STK4: variants seen among roughly 807,000 people sequenced by gnomAD.
The protein encoded by STK4 is serine/threonine kinase 4.
STK4 carries 30 observed loss-of-function variants against 64.9 expected under a neutral mutation model. That is an observed-to-expected ratio of 0.46 (90% confidence interval 0.35 to 0.63). The LOEUF is 0.63. STK4 is among the 20% of genes least tolerant of loss of function. The pLI is 0.01. For synonymous variants in STK4, 177 were observed against 199.0 expected (o/e 0.89, Z 0.93); for missense variants, 466 against 598.5 (o/e 0.78, Z 2.31).
At chr20:45,002,189 T>C (rs2067853484) in intron 9 of STK4, among the ~76,000 whole-genome samples, 1 of 152,194 alleles carries the variant, frequency 6.6e-6, no homozygotes, top group Admixed American at 6.5e-5. Context: ...TCTTAAGGGG[T>C]TTAATTATGT....
chr20:44,976,557 T>A (rs1226252931), intron 2 of STK4, among the ~76,000 whole-genome samples: 1 of 152,166 alleles, frequency 6.6e-6, no homozygotes, highest in East Asian at 1.9e-4. Flanking sequence ...TCAGCCACAG[T>A]CGATGTTGGA....
chr20:45,060,171 G>C (rs1978864164), intron 10 of STK4, among the ~76,000 whole-genome samples: 1 of 152,194 alleles, frequency 6.6e-6, no homozygotes, highest in Admixed American at 6.5e-5. Context: ...CTGGAAGGTT[G>C]AATGGGCAGC....
chr20:44,976,006 T>C (rs1460147410), intron 2 of STK4, among the ~76,000 whole-genome samples: 1 of 152,196 alleles, frequency 6.6e-6, no homozygotes, highest in African/African-American at 2.4e-5. Flanking sequence ...TCAAAAACAA[T>C]TTAATATAAT....
chr20:44,973,164 T>C (rs899408002), intron 2 of STK4: 1 of 152,208 alleles, frequency 6.6e-6, no homozygotes, highest in African/African-American at 2.4e-5. Context: ...TTTATGTCAT[T>C]AGATTATTTT....
chr20:45,014,523 A>G (rs978491247), intron 9 of STK4, among the ~76,000 whole-genome samples: 1 of 152,194 alleles, frequency 6.6e-6, no homozygotes, highest in Non-Finnish European at 1.5e-5. Context: ...TAAAAAGTAT[A>G]TATTTGAAAG....
At chr20:45,029,653 T>C (rs1162322112) in intron 10 of STK4, among the ~76,000 whole-genome samples, 3 of 152,188 alleles carry the variant, frequency 2.0e-5, no homozygotes, top group African/African-American at 7.2e-5. Context: ...TAGCATCACC[T>C]AGAGACTGTT....
At chr20:45,014,714 G>A (rs1478917589) in intron 9 of STK4, among the ~76,000 whole-genome samples, 1 of 152,100 alleles carries the variant, frequency 6.6e-6, no homozygotes, top group Non-Finnish European at 1.5e-5. Flanking sequence ...GATTTGACAT[G>A]CGGCGGTTCT....
Position 45,022,498 on chromosome 20 carries a change from G to A in STK4, c.1148-2475G>A, listed in dbSNP as rs2068265812. Among the ~76,000 whole-genome samples the A allele has an allele frequency of 2.0e-5, 3 of 152,142 alleles. No homozygotes were observed. The South Asian group carries it at 6.2e-4, about 31-fold the overall frequency. On this transcript the variant is annotated intron_variant, in intron 9 of 10. Transcript: ENST00000372806. ...GAAGAACTCAAATATGAGGCAAGCA[G>A]ATGTTCTCACTTTTTCATCTGAACA...
intron 5 of STK4, 144 bp downstream of exon 5, chr20:44,987,440 G>A (rs1307358702): frequency 5.1e-6 from 4 of 777,200 alleles, no homozygotes; most frequent in Non-Finnish European, 7.9e-6. Context: ...TTACAAAAGA[G>A]CTAGTTAGTG....
At chr20:44,991,627 A>C (rs2067635448) in intron 5 of STK4, among the ~76,000 whole-genome samples, 2 of 151,414 alleles carry the variant, frequency 1.3e-5, no homozygotes, top group Non-Finnish European at 2.9e-5. Context: ...GTAAATGTTC[A>C]TTTTTGTGTC....
At chr20:45,009,504 T>C (rs2068008127) in intron 9 of STK4, among the ~76,000 whole-genome samples, 1 of 152,186 alleles carries the variant, frequency 6.6e-6, no homozygotes, top group Non-Finnish European at 1.5e-5. Context: ...TTAGGATTGC[T>C]TTGGCTATTT....
rs1980484542 is a variant in STK4 at position 45,075,992 on chromosome 20, T to TC, written c.*817dup. 1 of 152,600 alleles carries TC rather than the reference T, an allele frequency of 6.6e-6. No homozygotes were observed. The highest frequency in any genetic ancestry group is 6.5e-5 in the Admixed American group (1 of 15,280). The allele number at this position is 152,600 out of a possible 1,614,324, so 9.5% of individuals were successfully genotyped here. On this transcript the variant is annotated 3_prime_UTR_variant, in exon 11 of 11. Coordinates refer to ENST00000372806, the MANE Select transcript of STK4 (RefSeq NM_006282.5). The stretch of plus-strand genomic sequence containing the variant: ...CCCAGTGCCTTAAGAGGAGACATGA[T>TC]CTCTACCAGGGACTCTCAGCAAACA...
chr20:44,974,985 G>A (rs1390930795), intron 2 of STK4: 1 of 152,144 alleles, frequency 6.6e-6, no homozygotes, highest in Non-Finnish European at 1.5e-5. Flanking sequence ...GTGGAGCCTA[G>A]CACCTTTTTT....
At chr20:45,064,980 ACT>A (rs1413350656) in intron 10 of STK4, among the ~76,000 whole-genome samples, 1 of 152,110 alleles carries the variant, frequency 6.6e-6, no homozygotes, top group African/African-American at 2.4e-5. Flanking sequence ...GACTTCCAGT[ACT>A]GTTGAATAGG....
intron 10 of STK4, among the ~76,000 whole-genome samples, chr20:45,061,753 C>T (rs1979029872): frequency 6.6e-6 from 1 of 152,074 alleles, no homozygotes; most frequent in East Asian, 1.9e-4. Context: ...CCTTCTCCCA[C>T]TCTCCACCCT....
chr20:45,014,044 G>A (rs957773311), intron 9 of STK4, among the ~76,000 whole-genome samples: 13 of 151,974 alleles, frequency 8.6e-5, no homozygotes, highest in East Asian at 5.8e-4. Flanking sequence ...ACCATTATCC[G>A]TTTTCAAGCA....
intron 4 of STK4, among the ~76,000 whole-genome samples, chr20:44,982,303 A>AT (rs372174958): frequency 0.13 from 18,517 of 142,724 alleles, 1,437 homozygotes; most frequent in East Asian, 0.23. Context: ...TTGTTTTTTA[A>AT]TTTTTTTTTT....
chr20:45,060,036 A>T (rs544668827), intron 10 of STK4, among the ~76,000 whole-genome samples: 6 of 152,200 alleles, frequency 3.9e-5, no homozygotes, highest in Non-Finnish European at 7.4e-5. Flanking sequence ...ATATTTATTA[A>T]GAATTATTTT....
At chr20:44,998,602 A>T (rs1436116094) in intron 7 of STK4, among the ~76,000 whole-genome samples, 3 of 152,222 alleles carry the variant, frequency 2.0e-5, no homozygotes, top group Non-Finnish European at 2.9e-5. Context: ...TATGCCCATA[A>T]TTTAAAAAGA....
Sources: allele counts gnomAD v4.1 joint callset (sites outside exome capture counted in the v4.1 genomes callset), GRCh38; gene constraint gnomAD v4.1.1; transcripts MANE v1.5; gene names NCBI Gene and HGNC (gene_info 2026-07-23, HGNC 2026-07-21).